CA8: variants seen among roughly 807,000 people sequenced by gnomAD.
CA8 encodes carbonic anhydrase 8 (inactive).
Under a neutral mutation model 41.4 loss-of-function variants are expected in CA8, and 22 were observed. That is an observed-to-expected ratio of 0.53 (90% confidence interval 0.38 to 0.76). CA8 has a LOEUF of 0.76. CA8 is among the 30% of genes least tolerant of loss of function. The pLI is 0.00. For missense variants in CA8, 270 were observed against 352.8 expected, an observed-to-expected ratio of 0.77 and a Z score of 1.88; for synonymous variants, 121 against 130.6, an observed-to-expected ratio of 0.93 and a Z score of 0.50.
chr8:60,197,984 T>C (rs572390289), intron 8 of CA8, among the ~76,000 whole-genome samples: 2 of 152,282 alleles, frequency 1.3e-5, no homozygotes, highest in African/African-American at 4.8e-5. Flanking sequence ...TCAGCAAATA[T>C]GTTATGAAAA....
intron 3 of CA8, among the ~76,000 whole-genome samples, chr8:60,257,432 T>C (rs1808679025): frequency 6.6e-6 from 1 of 152,186 alleles, no homozygotes; most frequent in Admixed American, 6.5e-5. Flanking sequence ...TCTAGCCCTT[T>C]TTCATAGATA....
At chr8:60,229,792 T>C (rs1310344627) in intron 4 of CA8, among the ~76,000 whole-genome samples, 1 of 152,156 alleles carries the variant, frequency 6.6e-6, no homozygotes, top group African/African-American at 2.4e-5. Flanking sequence ...TGGCCTCTCC[T>C]TCCCCCTCCT....
chr8:60,224,499 A>C (rs1206615125), intron 6 of CA8, 38 bp downstream of exon 6: 4 of 1,159,792 alleles, frequency 3.4e-6, no homozygotes, highest in Non-Finnish European at 5.2e-6. Flanking sequence ...CTATAGCCAC[A>C]GTTAAAATTC....
At chr8:60,273,118 T>C (rs564016451) in intron 2 of CA8, among the ~76,000 whole-genome samples, 1 of 152,138 alleles carries the variant, frequency 6.6e-6, no homozygotes, top group African/African-American at 2.4e-5. Flanking sequence ...ATAATTCCCA[T>C]AGTAAATTAT....
chr8:60,225,107 T>C (rs1807383347), intron 5 of CA8, among the ~76,000 whole-genome samples: 1 of 152,088 alleles, frequency 6.6e-6, no homozygotes, highest in Non-Finnish European at 1.5e-5. Flanking sequence ...GGAGATCTGA[T>C]ATAGATGGAA....
chr8:60,245,931 GATT>G (rs1808218511), intron 3 of CA8, among the ~76,000 whole-genome samples: 1 of 152,210 alleles, frequency 6.6e-6, no homozygotes, highest in Non-Finnish European at 1.5e-5. Flanking sequence ...TTTAAAACAA[GATT>G]ATTACATTTT....
intron 3 of CA8, among the ~76,000 whole-genome samples, chr8:60,250,066 T>C (rs1808394283): frequency 6.6e-6 from 1 of 152,186 alleles, no homozygotes; most frequent in African/African-American, 2.4e-5. Context: ...CATATTCCTA[T>C]AATACCAATA....
At chr8:60,279,053 A>G (rs1318496246) in intron 2 of CA8, among the ~76,000 whole-genome samples, 1 of 152,182 alleles carries the variant, frequency 6.6e-6, no homozygotes, top group African/African-American at 2.4e-5. Context: ...TTTTGCACAG[A>G]ACATTTCAGA....
At chr8:60,252,109 T>A (rs888225494) in intron 3 of CA8, among the ~76,000 whole-genome samples, 2 of 152,138 alleles carry the variant, frequency 1.3e-5, no homozygotes, top group African/African-American at 4.8e-5. Flanking sequence ...TTTTAAAAAA[T>A]TTATAAAGAT....
rs185179363 is a variant in CA8, at chr8:60,203,028, T to A, written c.*35+5722A>T. On this transcript the variant is annotated intron_variant, in intron 8 of 8. Transcript: ENST00000317995. Reference sequence around the variant, plus strand: ...AAGTGCAGTAGAAAACAAAAAAAAATAATAATTTAAAACTAAACTAACATG... The same window carrying A: ...AAGTGCAGTAGAAAACAAAAAAAAAAAATAATTTAAAACTAAACTAACATG... Among the ~76,000 whole-genome samples, 20 of 151,662 alleles carry A rather than the reference T, an allele frequency of 1.3e-4. No individual in the cohort carries two copies. The East Asian group carries it at 3.3e-3, about 25-fold the overall frequency.
At chr8:60,265,192 A>AT (rs1803859142) in intron 3 of CA8, 2 of 152,358 alleles carry the variant, frequency 1.3e-5, no homozygotes, top group Admixed American at 6.5e-5. Flanking sequence ...GGGAGTAAAA[A>AT]GGGGGTGAGA....
intron 8 of CA8, among the ~76,000 whole-genome samples, chr8:60,193,418 T>G (rs1195575392): frequency 6.6e-6 from 1 of 152,204 alleles, no homozygotes; most frequent in East Asian, 1.9e-4. Context: ...CTTTGCTGGC[T>G]CTCCTGTTTC....
rs1338450664 is a variant in CA8, at chr8:60,190,321, T to C, written c.*36-336A>G. Among the ~76,000 whole-genome samples the C allele has an allele frequency of 2.0e-5, 3 of 150,840 alleles. No homozygotes were observed. In the East Asian group the frequency reaches 5.8e-4, roughly 29 times the overall value. Reference sequence around the variant, plus strand: ...AAAATAAAGCTTTAAGTTCTTGTCATTCATTTCACATATAATAATCACAGA... The same window carrying C: ...AAAATAAAGCTTTAAGTTCTTGTCACTCATTTCACATATAATAATCACAGA... On this transcript the variant is annotated intron_variant, in intron 8 of 8. Transcript: ENST00000317995.
intron 3 of CA8, among the ~76,000 whole-genome samples, chr8:60,241,263 G>A (rs997882182): frequency 2.4e-4 from 36 of 152,160 alleles, no homozygotes; most frequent in African/African-American, 6.0e-4. Context: ...TAAATTATTC[G>A]AAATTCTATC....
chr8:60,223,552 T>G (rs542673239), intron 6 of CA8, among the ~76,000 whole-genome samples: 1 of 152,218 alleles, frequency 6.6e-6, no homozygotes, highest in Non-Finnish European at 1.5e-5. Context: ...CCCAAAGTGT[T>G]GGGATTACAT....
chr8:60,197,268 C>T (rs1448362443), intron 8 of CA8, among the ~76,000 whole-genome samples: 7 of 151,972 alleles, frequency 4.6e-5, no homozygotes, highest in African/African-American at 1.7e-4. Flanking sequence ...TATGCAATGA[C>T]ATGAAAAGAT....
intron 3 of CA8, among the ~76,000 whole-genome samples, chr8:60,235,373 C>T (rs1807794438): frequency 6.6e-6 from 1 of 152,154 alleles, no homozygotes; most frequent in South Asian, 2.1e-4. Context: ...TCCTTTTAAC[C>T]TAATTATCTC....
At chr8:60,232,945 T>C (rs1405601427) in intron 3 of CA8, among the ~76,000 whole-genome samples, 5 of 152,134 alleles carry the variant, frequency 3.3e-5, no homozygotes, top group African/African-American at 1.2e-4. Context: ...AAGAAGGCGA[T>C]TTCCTGCACT....
At chr8:60,192,530 T>C (rs1009750231) in intron 8 of CA8, among the ~76,000 whole-genome samples, 2 of 152,150 alleles carry the variant, frequency 1.3e-5, no homozygotes, top group Admixed American at 6.6e-5. Context: ...AGTTTACTTT[T>C]CAGTGTTTTA....
Sources: allele counts gnomAD v4.1 joint callset (sites outside exome capture counted in the v4.1 genomes callset), GRCh38; gene constraint gnomAD v4.1.1; transcripts MANE v1.5; gene names NCBI Gene and HGNC (gene_info 2026-07-23, HGNC 2026-07-21).